Variants in KIF1B observed in about 807,000 individuals in gnomAD.
KIF1B encodes the protein kinesin-like protein KIF1B.
In KIF1B, 76 loss-of-function variants were observed where a neutral mutation model predicts 241.9. The observed-to-expected ratio is 0.31, with a 90% CI of 0.26 to 0.38. The LOEUF is 0.38. KIF1B is among the 10% of genes least tolerant of loss of function. The pLI is 1.00. For missense variants in KIF1B, 1,622 were observed against 2,271.4 expected, an observed-to-expected ratio of 0.71 and a Z score of 5.81; for synonymous variants, 750 against 796.7, an observed-to-expected ratio of 0.94 and a Z score of 0.99.
chr1:10,304,317 A>G (rs1650708360), intron 22 of KIF1B: 1 of 1,614,096 alleles, frequency 6.2e-7, no homozygotes, highest in Admixed American at 1.7e-5. Flanking sequence ...AGCAACAGCC[A>G]CCTCAACTAC....
chr1:10,264,217 G>C (rs956760227), intron 5 of KIF1B, among the ~76,000 whole-genome samples: 5 of 152,056 alleles, frequency 3.3e-5, no homozygotes, highest in African/African-American at 4.8e-5. Context: ...TTTATTATCA[G>C]TATCCCTTGC....
chr1:10,301,527 G>A (rs148372007), intron 22 of KIF1B, among the ~76,000 whole-genome samples: 6 of 152,160 alleles, frequency 3.9e-5, no homozygotes, highest in South Asian at 2.1e-4. Context: ...TTAGGTAGGC[G>A]TGGTGGCAGG....
intron 1 of KIF1B, chr1:10,231,126 GT>G: frequency 6.6e-6 from 1 of 152,310 alleles, no homozygotes; most frequent in Non-Finnish European, 1.5e-5. Context: ...CAGGAGAATT[GT>G]TGAATCCGGG....
At chr1:10,231,531 C>T (rs1254185429) in intron 1 of KIF1B, among the ~76,000 whole-genome samples, 2 of 151,684 alleles carry the variant, frequency 1.3e-5, no homozygotes, top group African/African-American at 2.4e-5. Flanking sequence ...GGATCACAGG[C>T]GCATACCACC....
intron 15 of KIF1B, among the ~76,000 whole-genome samples, chr1:10,285,614 C>G (rs1383483391): frequency 6.6e-6 from 1 of 152,176 alleles, no homozygotes; most frequent in African/African-American, 2.4e-5. Context: ...AAAACAGCTT[C>G]CTTAGTGTTT....
At chr1:10,229,207 A>G (rs1646946829) in intron 1 of KIF1B, among the ~76,000 whole-genome samples, 4 of 152,210 alleles carry the variant, frequency 2.6e-5, no homozygotes, top group Admixed American at 2.6e-4. Flanking sequence ...AAAATATTTG[A>G]TATTTAAATA....
chr1:10,360,714 T>C (rs1316487509), intron 38 of KIF1B, among the ~76,000 whole-genome samples: 2 of 146,994 alleles, frequency 1.4e-5, no homozygotes, highest in Non-Finnish European at 3.0e-5. Context: ...CACAACTAAG[T>C]GTTCCTTAAT....
At position 10,332,501 on chromosome 1, in the gene KIF1B, ATTTTTTTTTTTTTTTTT is replaced by A. The variant is rs568393252; in HGVS notation, c.2925-2003_2925-1987del. 1.2e-4 allele frequency among the ~76,000 whole-genome samples: 7 copies of A among 58,636 alleles called. No homozygotes were observed. In the South Asian group the frequency reaches 2.6e-3, roughly 22 times the overall value. 38.5% of individuals were successfully genotyped at this position (58,636 alleles called of 152,430 possible). On this transcript the variant is annotated intron_variant, in intron 27 of 48. Transcript: ENST00000676179. ...GTCACCCTGCCTGAAGATAATAGTC[ATTTTTTTTTTTTTTTTT>A]TTTTTTTTTTTTTTTGAGACGGAGT...
At chr1:10,334,460 G>C in intron 27 of KIF1B, 60 bp from the exon 28 acceptor site, 1 of 1,288,104 alleles carries the variant, frequency 7.8e-7, no homozygotes, top group East Asian at 2.3e-5. Context: ...CAGTGAATCT[G>C]AAAGCCAGTT....
chr1:10,214,268 C>G (rs1014352728), intron 1 of KIF1B, among the ~76,000 whole-genome samples: 1 of 151,936 alleles, frequency 6.6e-6, no homozygotes, highest in Non-Finnish European at 1.5e-5. Context: ...GGAACTCACA[C>G]TTTACCACTT....
chr1:10,344,231 C>T (rs546678865), intron 34 of KIF1B, among the ~76,000 whole-genome samples: 10 of 152,202 alleles, frequency 6.6e-5, no homozygotes, highest in Non-Finnish European at 1.2e-4. Flanking sequence ...GACCCATTGC[C>T]GCCTTTTCTC....
At chr1:10,247,211 A>G (rs1267051322) in intron 2 of KIF1B, among the ~76,000 whole-genome samples, 1 of 152,228 alleles carries the variant, frequency 6.6e-6, no homozygotes, top group Non-Finnish European at 1.5e-5. Flanking sequence ...TTGGCCACAC[A>G]GCCTCACAGA....
chr1:10,220,654 C>CCTTTTCTTTGTTT (rs1553160053), intron 1 of KIF1B, among the ~76,000 whole-genome samples: 5 of 152,050 alleles, frequency 3.3e-5, no homozygotes, highest in African/African-American at 1.2e-4. Context: ...AAGTGAGACC[C>CCTTTTCTTTGTTT]CTTTTCTTTG....
At position 10,372,685 on chromosome 1, in the gene KIF1B, AG is replaced by A. The variant is rs1638777035; in HGVS notation, c.4946+1424del. Among the ~76,000 whole-genome samples, 7 of 125,400 alleles carry A rather than the reference AG, an allele frequency of 5.6e-5. 2 individuals carry two copies. Among genetic ancestry groups the A allele is most frequent in the African/African-American group, 2.1e-4 (7 of 33,594 alleles). The allele number at this position is 125,400 out of a possible 152,430, so 82.3% of individuals were successfully genotyped here. On this transcript the variant is annotated intron_variant, in intron 45 of 48. Coordinates refer to ENST00000676179, the MANE Select transcript of KIF1B (RefSeq NM_001365951.3). ...AGAGCTGTCACCCAAGCTGGCGCGC[AG>A]CGGCGCAATCTCGGCTCACTGCAAG... is the stretch of plus-strand genomic sequence containing the variant.
intron 38 of KIF1B, among the ~76,000 whole-genome samples, chr1:10,353,613 T>A (rs1652874654): frequency 6.6e-6 from 1 of 152,098 alleles, no homozygotes; most frequent in Non-Finnish European, 1.5e-5. Flanking sequence ...TTTACATCCA[T>A]GTTGAGAGGA....
At chr1:10,353,991 T>G (rs1652890589) in intron 38 of KIF1B, among the ~76,000 whole-genome samples, 1 of 152,222 alleles carries the variant, frequency 6.6e-6, no homozygotes, top group Non-Finnish European at 1.5e-5. Flanking sequence ...TAAATTTCCC[T>G]AGGGTACTTA....
At chr1:10,274,994 C>A in intron 10 of KIF1B, 1 of 333,658 alleles carries the variant, frequency 3.0e-6, no homozygotes, top group Non-Finnish European at 5.8e-6. Context: ...TGAATTTGGT[C>A]ATTGTTTTCT....
intron 7 of KIF1B, 85 bp from the exon 8 acceptor site, chr1:10,271,416 CT>C: frequency 1.0e-6 from 1 of 981,786 alleles, no homozygotes; most frequent in Non-Finnish European, 1.7e-6. Flanking sequence ...ATACCTTAAT[CT>C]TTTAAAAAGC....
At chr1:10,281,791 T>G (rs1649417445) in intron 14 of KIF1B, among the ~76,000 whole-genome samples, 1 of 152,246 alleles carries the variant, frequency 6.6e-6, no homozygotes, top group African/African-American at 2.4e-5. Flanking sequence ...AGCATACTAC[T>G]CAGTGCACAA....
Sources: gnomAD v4.1 joint callset for allele counts (sites outside exome capture counted in the v4.1 genomes callset) on GRCh38, gnomAD v4.1.1 for gene constraint, MANE v1.5 for transcripts, NCBI Gene and HGNC (gene_info 2026-07-23, HGNC 2026-07-21) for gene names.